The following LRBA variants were observed in gnomAD, a reference collection of about 807,000 sequenced individuals.
The protein encoded by LRBA is LPS responsive beige-like anchor protein.
In LRBA, 176 loss-of-function variants were observed where a neutral mutation model predicts 330.0. The ratio of observed to expected loss-of-function variants is 0.53; its 90% CI spans 0.47 to 0.60. The LOEUF is 0.60. Ranked by LOEUF, LRBA falls within the 20% of genes least tolerant of loss-of-function variation. The pLI is 0.00. For missense variants in LRBA, 3,259 were observed against 3,444.8 expected, an observed-to-expected ratio of 0.95 and a Z score of 1.35; for synonymous variants, 1,230 against 1,193.0, an observed-to-expected ratio of 1.03 and a Z score of -0.64.
chr4:150,478,566 A>G (rs954832666), intron 42 of LRBA, among the ~76,000 whole-genome samples: 7 of 152,270 alleles, frequency 4.6e-5, no homozygotes, highest in African/African-American at 1.7e-4. Flanking sequence ...TCAACATCAC[A>G]TATCATCCAG....
At chr4:150,739,727 C>G (rs13145482) in intron 35 of LRBA, among the ~76,000 whole-genome samples, 104,859 of 152,162 alleles carry the variant, frequency 0.69, 42,035 homozygotes, top group Non-Finnish European at 0.9. Flanking sequence ...TTATGAGCTG[C>G]CCTGTGTAAA....
Position 150,844,167 on chromosome 4 carries a change from C to T in LRBA, c.4502G>A (p.Arg1501Lys), listed in dbSNP as rs767734502. ...GTCCTGTAGAAGCCTGTCAAGATCTCTTACTGGAGATATACCGCCAGTCAC... is the reference window on the plus strand; with the variant it reads ...GTCCTGTAGAAGCCTGTCAAGATCTTTTACTGGAGATATACCGCCAGTCAC... ...DIVTGGISPV[R>K]DLDRLLQDMD... Residue 1501 changes from arginine (R) to lysine (K), a missense_variant, in exon 28 of 57, where the codon AGA (arginine) becomes AAA (lysine). Transcript: ENST00000651943. 5.6e-6 allele frequency: 9 copies of T among 1,611,286 alleles called. No homozygotes were observed. In the African/African-American group the frequency reaches 1.2e-4, roughly 22 times the overall value.
At chr4:150,615,039 A>G (rs979917107) in intron 37 of LRBA, among the ~76,000 whole-genome samples, 3 of 152,252 alleles carry the variant, frequency 2.0e-5, no homozygotes, top group Non-Finnish European at 4.4e-5. Context: ...GCAACCTTTG[A>G]GCAAAGACTT....
chr4:150,978,958 G>C (rs1245730095), intron 2 of LRBA, among the ~76,000 whole-genome samples: 2 of 152,090 alleles, frequency 1.3e-5, no homozygotes, highest in Non-Finnish European at 2.9e-5. Flanking sequence ...GAAAGAAATA[G>C]GGGTAGAAAG....
chr4:150,553,416 T>C (rs977559839), intron 40 of LRBA, among the ~76,000 whole-genome samples: 1 of 151,610 alleles, frequency 6.6e-6, no homozygotes, highest in Non-Finnish European at 1.5e-5. Context: ...TGTGTACATA[T>C]GTAACAAACC....
At chr4:150,655,227 CT>C (rs1780070833) in intron 37 of LRBA, among the ~76,000 whole-genome samples, 1 of 152,102 alleles carries the variant, frequency 6.6e-6, no homozygotes, top group African/African-American at 2.4e-5. Flanking sequence ...ACATTTGCCC[CT>C]CCCCATTCCT....
chr4:150,392,875 G>A (rs1481740021), intron 47 of LRBA, among the ~76,000 whole-genome samples: 1 of 151,848 alleles, frequency 6.6e-6, no homozygotes, highest in African/African-American at 2.4e-5. Context: ...AGGAGGGAGA[G>A]CATTAGGACA....
rs1734687663 is a variant in LRBA, at chr4:150,336,062, AT to A, written c.7363-10165del. Among the ~76,000 whole-genome samples the A allele has an allele frequency of 2.6e-5, 4 of 152,310 alleles. No individual in the cohort carries two copies. The South Asian group carries it at 6.2e-4, about 24-fold the overall frequency. Reference sequence around the variant, plus strand: ...TAACATAATAGCAAGAAATACATATATTTTTAACTTTTATTTTAGGTTCAGA... The same window carrying A: ...TAACATAATAGCAAGAAATACATATATTTTAACTTTTATTTTAGGTTCAGA... On this transcript the variant is annotated intron_variant, in intron 48 of 56. Coordinates refer to ENST00000651943, the MANE Select transcript of LRBA (RefSeq NM_001364905.1).
At chr4:150,711,327 C>G (rs990680558) in intron 36 of LRBA, among the ~76,000 whole-genome samples, 4 of 151,938 alleles carry the variant, frequency 2.6e-5, no homozygotes, top group African/African-American at 9.7e-5. Flanking sequence ...CTTCCACCTC[C>G]CAGGTTCAAA....
At chr4:150,690,065 A>G (rs1783979703) in intron 36 of LRBA, among the ~76,000 whole-genome samples, 1 of 152,186 alleles carries the variant, frequency 6.6e-6, no homozygotes. Context: ...ATGAAGAAAT[A>G]TATAATTTAT....
chr4:150,826,323 G>T (rs192464331), intron 30 of LRBA, among the ~76,000 whole-genome samples: 222 of 152,266 alleles, frequency 1.5e-3, no homozygotes, highest in Non-Finnish European at 2.7e-3. Flanking sequence ...ATTTGGGATG[G>T]GGGGGAAGCC....
chr4:150,620,561 C>G (rs996703156), intron 37 of LRBA, among the ~76,000 whole-genome samples: 1 of 152,122 alleles, frequency 6.6e-6, no homozygotes, highest in Non-Finnish European at 1.5e-5. Flanking sequence ...AACCTAAGTG[C>G]CCATCGAACA....
chr4:150,782,307 A>C lies in LRBA; in HGVS notation c.5580+15774T>G, dbSNP rs1400684912. Among the ~76,000 whole-genome samples, 4 of 152,258 alleles carry C rather than the reference A, an allele frequency of 2.6e-5. No homozygotes were observed. The East Asian group carries it at 7.7e-4, about 29-fold the overall frequency. On this transcript the variant is annotated intron_variant, in intron 34 of 56. Coordinates refer to ENST00000651943, the MANE Select transcript of LRBA (RefSeq NM_001364905.1). The stretch of plus-strand genomic sequence containing the variant: ...CTTTCAAAGCATTACTGGATATATT[A>C]GTTTCTTGTAGCTGCTGTAACAAAT...
chr4:150,916,338 A>T, intron 7 of LRBA, 63 bp downstream of exon 7: 5 of 1,528,600 alleles, frequency 3.3e-6, no homozygotes, highest in Non-Finnish European at 4.4e-6. Context: ...TAACATTAAA[A>T]CAAAGCATTT....
At chr4:150,354,444 T>C (rs904650883) in intron 47 of LRBA, among the ~76,000 whole-genome samples, 4 of 152,096 alleles carry the variant, frequency 2.6e-5, no homozygotes, top group Admixed American at 2.0e-4. Context: ...ACCTAACCAA[T>C]CAATTGTTAG....
intron 34 of LRBA, among the ~76,000 whole-genome samples, chr4:150,790,379 C>T (rs1412534153): frequency 6.6e-6 from 1 of 152,040 alleles, no homozygotes; most frequent in Non-Finnish European, 1.5e-5. Flanking sequence ...GTTGTAACAG[C>T]ACTTTTAAAT....
At chr4:150,297,815 T>C (rs1239695349) in intron 53 of LRBA, among the ~76,000 whole-genome samples, 1 of 152,204 alleles carries the variant, frequency 6.6e-6, no homozygotes, top group Non-Finnish European at 1.5e-5. Context: ...AGGCAAATAT[T>C]GTGCTTGCTT....
intron 37 of LRBA, among the ~76,000 whole-genome samples, chr4:150,608,881 T>G (rs1774939857): frequency 6.6e-6 from 1 of 152,240 alleles, no homozygotes; most frequent in Non-Finnish European, 1.5e-5. Context: ...ACTGGCTTCT[T>G]TCACTCAGCA....
At chr4:150,502,669 C>T (rs574899262) in intron 40 of LRBA, among the ~76,000 whole-genome samples, 7 of 152,296 alleles carry the variant, frequency 4.6e-5, no homozygotes, top group East Asian at 3.9e-4. Context: ...ACTGAGGTAC[C>T]GGGTTCATCT....
Sources: gnomAD v4.1 joint callset for allele counts (sites outside exome capture counted in the v4.1 genomes callset) on GRCh38, gnomAD v4.1.1 for gene constraint, MANE v1.5 for transcripts, NCBI Gene and HGNC (gene_info 2026-07-23, HGNC 2026-07-21) for gene names.